Variants in C8orf34 observed in about 807,000 individuals in gnomAD.
C8orf34 encodes chromosome 8 open reading frame 34.
C8orf34 carries 65 observed loss-of-function variants against 68.3 expected under a neutral mutation model. That is an observed-to-expected ratio of 0.95 (90% CI 0.78 to 1.17). The LOEUF (loss-of-function observed/expected upper bound fraction) is 1.17. C8orf34 is among the 50% of genes most tolerant of loss of function. The pLI, the probability that C8orf34 is intolerant of heterozygous loss-of-function variation, is 0.00. For missense variants in C8orf34, 664 were observed against 655.4 expected, an observed-to-expected ratio of 1.01 and a Z score of -0.14; for synonymous variants, 244 against 241.2, an observed-to-expected ratio of 1.01 and a Z score of -0.11.
intron 8 of C8orf34, among the ~76,000 whole-genome samples, chr8:68,699,691 C>T (rs1472417213): frequency 1.3e-5 from 2 of 152,228 alleles, no homozygotes; most frequent in East Asian, 3.9e-4. Context: ...AGACCAAACA[C>T]AAAACATATC....
intron 12 of C8orf34, among the ~76,000 whole-genome samples, chr8:68,810,641 C>T (rs1236288256): frequency 2.0e-5 from 3 of 152,136 alleles, no homozygotes; most frequent in Non-Finnish European, 4.4e-5. Context: ...ATGAGGTACG[C>T]ATACAACTGG....
intron 3 of C8orf34, among the ~76,000 whole-genome samples, chr8:68,449,617 A>G (rs550777608): frequency 6.6e-6 from 1 of 152,124 alleles, no homozygotes; most frequent in Non-Finnish European, 1.5e-5. Flanking sequence ...AGTTATATTT[A>G]TATTCTACTC....
intron 8 of C8orf34, among the ~76,000 whole-genome samples, chr8:68,663,354 T>C (rs1819741380): frequency 6.6e-6 from 1 of 152,232 alleles, no homozygotes; most frequent in South Asian, 2.1e-4. Flanking sequence ...CTTCTGTTTG[T>C]TTTTCTCTTG....
At chr8:68,623,301 T>C (rs1487517953) in intron 7 of C8orf34, among the ~76,000 whole-genome samples, 1 of 152,170 alleles carries the variant, frequency 6.6e-6, no homozygotes, top group Non-Finnish European at 1.5e-5. Context: ...AATAGGGCAT[T>C]TGACAATCAG....
At chr8:68,817,856 G>T (rs1824864780) in intron 13 of C8orf34, among the ~76,000 whole-genome samples, 1 of 152,084 alleles carries the variant, frequency 6.6e-6, no homozygotes, top group South Asian at 2.1e-4. Flanking sequence ...CAAGTGAAGG[G>T]GGAGGAACCC....
At chr8:68,551,044 C>T (rs1049924314) in intron 7 of C8orf34, among the ~76,000 whole-genome samples, 6 of 151,710 alleles carry the variant, frequency 4.0e-5, no homozygotes, top group African/African-American at 7.3e-5. Context: ...TCTGTGGCTT[C>T]GTGTCTGACA....
intron 7 of C8orf34, among the ~76,000 whole-genome samples, chr8:68,613,160 G>A (rs780034764): frequency 1.3e-5 from 2 of 152,060 alleles, no homozygotes; most frequent in East Asian, 3.9e-4. Context: ...AAAGGAAAGT[G>A]GAAATAACAT....
At chr8:68,792,571 C>CAAAAAAAAAAAAAAAAA (rs1162293308) in intron 12 of C8orf34, 1 of 42,276 alleles carries the variant, frequency 2.4e-5, no homozygotes, top group Non-Finnish European at 5.0e-5. Context: ...GACTCCATCT[C>CAAAAAAAAAAAAAAAAA]AAAAAAAAAA....
At chr8:68,441,210 CA>C (rs922163913) in intron 2 of C8orf34, among the ~76,000 whole-genome samples, 84 of 152,146 alleles carry the variant, frequency 5.5e-4, no homozygotes, top group African/African-American at 1.9e-3. Context: ...GGCTACAAAT[CA>C]AGGTGTTGGC....
At chr8:68,483,533 G>A (rs1426721501) in intron 4 of C8orf34, among the ~76,000 whole-genome samples, 2 of 152,044 alleles carry the variant, frequency 1.3e-5, no homozygotes, top group Non-Finnish European at 2.9e-5. Flanking sequence ...ATAGCATCAA[G>A]GTTGTTTTGA....
intron 5 of C8orf34, among the ~76,000 whole-genome samples, chr8:68,490,123 T>C (rs528548789): frequency 1.3e-5 from 2 of 152,320 alleles, no homozygotes; most frequent in East Asian, 1.9e-4. Context: ...TCTTATGCCA[T>C]GAGTTTCCTT....
chr8:68,465,410 A>G (rs1812071708), intron 3 of C8orf34, among the ~76,000 whole-genome samples: 1 of 149,638 alleles, frequency 6.7e-6, no homozygotes, highest in South Asian at 2.2e-4. Flanking sequence ...TCAGGGATCT[A>G]GAACTAGAAA....
chr8:68,744,925 A>G (rs2129527384), intron 10 of C8orf34, among the ~76,000 whole-genome samples: 1 of 152,320 alleles, frequency 6.6e-6, no homozygotes, highest in Non-Finnish European at 1.5e-5. Flanking sequence ...TCCAAGACAC[A>G]TAATTGTCAG....
chr8:68,809,264 T>G (rs1585916150), intron 12 of C8orf34, among the ~76,000 whole-genome samples: 1 of 152,184 alleles, frequency 6.6e-6, no homozygotes. Context: ...TAACTAGAAA[T>G]GATTTCTCTT....
At chr8:68,456,088 C>T (rs1400471875) in intron 3 of C8orf34, among the ~76,000 whole-genome samples, 1 of 141,930 alleles carries the variant, frequency 7.0e-6, no homozygotes, top group African/African-American at 2.6e-5. Flanking sequence ...TACTAAAAAT[C>T]CAAAAAAAAA....
chr8:68,779,958 G>T (rs1823628440), intron 11 of C8orf34, among the ~76,000 whole-genome samples: 1 of 152,024 alleles, frequency 6.6e-6, no homozygotes, highest in Admixed American at 6.6e-5. Context: ...GATGTAAAAT[G>T]AACACATGTG....
At chr8:68,588,272 T>C (rs1053763660) in intron 7 of C8orf34, among the ~76,000 whole-genome samples, 1 of 152,092 alleles carries the variant, frequency 6.6e-6, no homozygotes, top group African/African-American at 2.4e-5. Flanking sequence ...GGAAAGATAA[T>C]TATGATGTAA....
At chr8:68,499,340 C>T (rs1335776313) in intron 5 of C8orf34, among the ~76,000 whole-genome samples, 2 of 152,034 alleles carry the variant, frequency 1.3e-5, no homozygotes, top group East Asian at 3.9e-4. Flanking sequence ...TGGGACTTGT[C>T]AAAAGGACAC....
chr8:68,593,669 C>T (rs1013391204), intron 7 of C8orf34, among the ~76,000 whole-genome samples: 2 of 151,842 alleles, frequency 1.3e-5, no homozygotes, highest in Admixed American at 1.3e-4. Context: ...CAGCTTTTCT[C>T]TTATTTTTCT....
Sources: gnomAD v4.1 joint callset for allele counts (sites outside exome capture counted in the v4.1 genomes callset) on GRCh38, gnomAD v4.1.1 for gene constraint, MANE v1.5 for transcripts, NCBI Gene and HGNC (gene_info 2026-07-23, HGNC 2026-07-21) for gene names.